SLC14A2: variants seen among roughly 807,000 people sequenced by gnomAD.
SLC14A2 encodes the protein urea transporter 2.
A neutral mutation model predicts 104.6 loss-of-function variants in SLC14A2; 91 were observed. The ratio of observed to expected loss-of-function variants is 0.87; its 90% CI spans 0.73 to 1.04. The LOEUF (loss-of-function observed/expected upper bound fraction) is 1.04. Among genes scored for constraint, SLC14A2 ranks in the 50% least tolerant of loss-of-function variants. The pLI is 0.00. For missense variants in SLC14A2, 1,189 were observed against 1,156.0 expected (o/e 1.03, Z -0.41); for synonymous variants, 476 against 466.4 (o/e 1.02, Z -0.27).
chr18:45,342,234 T>C (rs987186558), intron 1 of SLC14A2, among the ~76,000 whole-genome samples: 11 of 152,230 alleles, frequency 7.2e-5, no homozygotes, highest in African/African-American at 2.6e-4. Context: ...AAAATAATAA[T>C]AATAAAGGAA....
At chr18:45,188,551 G>A in the SLC14A2 span, among the ~76,000 whole-genome samples, 42 of 152,242 alleles carry the variant, frequency 2.8e-4, 1 homozygote, top group South Asian at 7.9e-3. Flanking sequence ...GGCTCTAGGT[G>A]CTGCTTAACA....
intron 4 of SLC14A2, among the ~76,000 whole-genome samples, chr18:45,629,279 G>C (rs961632433): frequency 2.0e-5 from 3 of 152,170 alleles, no homozygotes; most frequent in Non-Finnish European, 4.4e-5. Flanking sequence ...TCAGATTCTA[G>C]CATGCTAGGA....
intron 1 of SLC14A2, among the ~76,000 whole-genome samples, chr18:45,464,883 A>T (rs1009852505): frequency 2.6e-5 from 4 of 152,078 alleles, no homozygotes; most frequent in African/African-American, 7.2e-5. Context: ...CAGGAGAGAG[A>T]TGGTGGAGGT....
At chr18:45,562,671 T>C (rs565034223) in intron 2 of SLC14A2, among the ~76,000 whole-genome samples, 10 of 152,298 alleles carry the variant, frequency 6.6e-5, no homozygotes, top group Admixed American at 6.5e-4. Flanking sequence ...ATTTTTCCAT[T>C]ACTCTGAGCA....
chr18:45,415,259 C>T (rs943399998), intron 1 of SLC14A2, among the ~76,000 whole-genome samples: 1 of 152,040 alleles, frequency 6.6e-6, no homozygotes. Context: ...AGAATTGAGA[C>T]CTGGGGTCAG....
At chr18:45,625,086 T>C (rs1398803158) in intron 2 of SLC14A2, among the ~76,000 whole-genome samples, 1 of 152,176 alleles carries the variant, frequency 6.6e-6, no homozygotes, top group Admixed American at 6.5e-5. Flanking sequence ...CCTGCTCCCT[T>C]GAACTACCCT....
At chr18:45,232,522 G>T (rs948394342) in intron 1 of SLC14A2, among the ~76,000 whole-genome samples, 1 of 152,138 alleles carries the variant, frequency 6.6e-6, no homozygotes, top group African/African-American at 2.4e-5. Context: ...TATACCCATT[G>T]TTCTAATTCT....
At chr18:45,552,690 G>T (rs1010489980) in intron 2 of SLC14A2, among the ~76,000 whole-genome samples, 2 of 152,220 alleles carry the variant, frequency 1.3e-5, no homozygotes, top group Non-Finnish European at 1.5e-5. Context: ...CAGAGACCTG[G>T]AAAGGGGGAA....
intron 10 of SLC14A2, among the ~76,000 whole-genome samples, chr18:45,658,716 T>A (rs1339309455): frequency 6.6e-6 from 1 of 152,208 alleles, no homozygotes; most frequent in Non-Finnish European, 1.5e-5. Context: ...TTAGGTTTAT[T>A]TTGTTCCTCT....
chr18:45,186,004 T>C, the SLC14A2 span, among the ~76,000 whole-genome samples: 1 of 152,212 alleles, frequency 6.6e-6, no homozygotes, highest in Non-Finnish European at 1.5e-5. Flanking sequence ...ATGCATTGTT[T>C]ATATATGTAG....
intron 2 of SLC14A2, among the ~76,000 whole-genome samples, chr18:45,491,531 T>C (rs955408691): frequency 6.6e-6 from 1 of 152,242 alleles, no homozygotes; most frequent in Non-Finnish European, 1.5e-5. Context: ...GTGTTTTATT[T>C]CTTTAATTAC....
At chr18:45,238,013 T>A (rs1187909438) in intron 1 of SLC14A2, among the ~76,000 whole-genome samples, 4 of 152,204 alleles carry the variant, frequency 2.6e-5, no homozygotes, top group Non-Finnish European at 5.9e-5. Context: ...TTAAGCACTT[T>A]GAAATACCAG....
At chr18:45,220,901 C>G (rs560777017) in intron 1 of SLC14A2, among the ~76,000 whole-genome samples, 1 of 152,324 alleles carries the variant, frequency 6.6e-6, no homozygotes, top group African/African-American at 2.4e-5. Flanking sequence ...TACCTCCTCA[C>G]AATGTCCTCA....
intron 18 of SLC14A2, among the ~76,000 whole-genome samples, chr18:45,675,917 T>C (rs1391752739): frequency 1.3e-5 from 2 of 151,686 alleles, no homozygotes; most frequent in African/African-American, 4.8e-5. Context: ...CAGGAGGCAG[T>C]GAGAGCAGGA....
At chr18:45,321,651 T>C (rs2085186443) in intron 1 of SLC14A2, among the ~76,000 whole-genome samples, 1 of 152,094 alleles carries the variant, frequency 6.6e-6, no homozygotes, top group Non-Finnish European at 1.5e-5. Context: ...CGTGCTATTA[T>C]AAAGAAGAGC....
intron 2 of SLC14A2, among the ~76,000 whole-genome samples, chr18:45,513,042 A>G (rs1430849537): frequency 6.6e-6 from 1 of 152,190 alleles, no homozygotes; most frequent in Non-Finnish European, 1.5e-5. Flanking sequence ...CTATGTCACC[A>G]CCAACAATGG....
intron 10 of SLC14A2, among the ~76,000 whole-genome samples, chr18:45,659,853 G>A (rs2045905983): frequency 6.6e-6 from 1 of 151,984 alleles, no homozygotes; most frequent in South Asian, 2.1e-4. Context: ...GGCTGGACGT[G>A]GTGGCTCATG....
chr18:45,541,196 T>C (rs1273350258), intron 2 of SLC14A2, among the ~76,000 whole-genome samples: 1 of 152,212 alleles, frequency 6.6e-6, no homozygotes, highest in Non-Finnish European at 1.5e-5. Context: ...ACTCCCATGA[T>C]TCAGCCATAT....
chr18:45,328,155 A>G (rs1356192288), intron 1 of SLC14A2, among the ~76,000 whole-genome samples: 1 of 151,982 alleles, frequency 6.6e-6, no homozygotes, highest in Non-Finnish European at 1.5e-5. Context: ...TCTCCTCCTC[A>G]TGCTCCCTTT....
Sources: gnomAD v4.1 joint callset for allele counts (sites outside exome capture counted in the v4.1 genomes callset) on GRCh38, gnomAD v4.1.1 for gene constraint, MANE v1.5 for transcripts, NCBI Gene and HGNC (gene_info 2026-07-23, HGNC 2026-07-21) for gene names.